The following NOC3L variants were observed in gnomAD, a reference collection of about 807,000 sequenced individuals.
The protein encoded by NOC3L is NOC3 like DNA replication regulator.
NOC3L carries 85 observed loss-of-function variants against 102.5 expected under a neutral mutation model. The observed-to-expected ratio is 0.83, with a 90% CI of 0.70 to 0.99. The LOEUF (loss-of-function observed/expected upper bound fraction) is 0.99, where lower values mean the gene tolerates loss of function less well. NOC3L is among the 50% of genes least tolerant of loss of function. The probability of loss-of-function intolerance (pLI) is 0.00; values close to 1 mark genes in which losing one functional copy is unlikely to be tolerated. For missense variants in NOC3L, 878 were observed against 914.9 expected, an observed-to-expected ratio of 0.96 and a Z score of 0.52; for synonymous variants, 303 against 309.4, an observed-to-expected ratio of 0.98 and a Z score of 0.22.
chr10:94,337,771 T>C lies in NOC3L; in HGVS notation c.2189+6A>G, dbSNP rs2054238108. The stretch of plus-strand genomic sequence containing the variant: ...AGTTTTAGAATAAGGCAATGCTAAA[T>C]ATTACCTTCGACTCAACTCTGGTTT... On this transcript the variant is annotated splice_donor_region_variant and intron_variant, in intron 19 of 20. Coordinates refer to ENST00000371361, the MANE Select transcript of NOC3L (RefSeq NM_022451.11). 2.5e-6 allele frequency: 4 copies of C among 1,593,584 alleles called. No individual in the cohort carries two copies. The highest frequency in any genetic ancestry group is 3.4e-6 in the Non-Finnish European group (4 of 1,161,936).
the NOC3L span, chr10:94,325,226 A>G: frequency 1.3e-6 from 1 of 745,562 alleles, no homozygotes; most frequent in Non-Finnish European, 2.4e-6. Flanking sequence ...GAAGGCAGGT[A>G]GGAATGGGAC....
the NOC3L span, among the ~76,000 whole-genome samples, chr10:94,325,874 C>CTCA: frequency 5.9e-5 from 9 of 152,100 alleles, no homozygotes; most frequent in African/African-American, 2.2e-4. Context: ...CTTCAACAAC[C>CTCA]TCATCTCCTT....
chr10:94,359,195 C>T lies in NOC3L; in HGVS notation c.218-980G>A, dbSNP rs189378572. Among the ~76,000 whole-genome samples, 282 of 152,178 alleles carry T rather than the reference C, an allele frequency of 1.9e-3. 1 individual carries two copies. The highest frequency in any genetic ancestry group is 3.5e-3 in the Admixed American group (53 of 15,292). ...ATCTTAGCACTTTGGGAGGCCGAGA[C>T]GGGTGGATTGCTTGAGGCAAGGAGT... On this transcript the variant is annotated intron_variant, in intron 2 of 20. Transcript: ENST00000371361.
the NOC3L span, chr10:94,328,145 G>A: frequency 1.5e-5 from 5 of 331,734 alleles, no homozygotes; most frequent in Admixed American, 1.9e-4. Context: ...ATTTACTGAT[G>A]AATGAAGCCC....
At chr10:94,321,355 G>A in the NOC3L span, among the ~76,000 whole-genome samples, 5 of 152,186 alleles carry the variant, frequency 3.3e-5, no homozygotes, top group Non-Finnish European at 7.3e-5. Flanking sequence ...ACAGCTAGGC[G>A]GGGCACAGTG....
At chr10:94,317,094 T>C in the NOC3L span, among the ~76,000 whole-genome samples, 3 of 152,004 alleles carry the variant, frequency 2.0e-5, no homozygotes, top group African/African-American at 7.2e-5. Context: ...CTACTAAAAA[T>C]ACAAAAATTA....
chr10:94,362,711 A>G, intron 1 of NOC3L, 119 bp downstream of exon 1: 2 of 1,052,190 alleles, frequency 1.9e-6, no homozygotes, highest in Non-Finnish European at 3.0e-6. Context: ...GAAAGCCCCC[A>G]GTCTAAACCA....
chr10:94,345,130 G>A (rs1326010883), intron 11 of NOC3L, among the ~76,000 whole-genome samples, 197 bp from the exon 12 acceptor site: 4 of 152,046 alleles, frequency 2.6e-5, no homozygotes, highest in Non-Finnish European at 5.9e-5. Context: ...CTGGGAAGAA[G>A]GTAGAAGAAT....
At chr10:94,320,919 C>T in the NOC3L span, among the ~76,000 whole-genome samples, 5 of 151,876 alleles carry the variant, frequency 3.3e-5, no homozygotes, top group African/African-American at 9.7e-5. Flanking sequence ...TATTTTGTGG[C>T]GAATAAGGTG....
Position 94,334,190 on chromosome 10 carries a change from G to A in NOC3L, c.2390C>T (p.Thr797Ile). The A allele has an allele frequency of 1.3e-6, 2 of 1,486,698 alleles. No homozygotes were observed. Among genetic ancestry groups the A allele is most frequent in the Non-Finnish European group, 1.9e-6 (2 of 1,065,014 alleles). 92.1% of individuals were successfully genotyped at this position (1,486,698 alleles called of 1,614,324 possible). A position where few individuals can be genotyped will look rare whatever the true frequency, so the allele number is the denominator to read the frequency against. The part of the protein sequence containing the change: ...SPLDFTKYLK[T>I]SLH ...TTCATTCCTCTACTAGTGTAGTGAT[G>A]TTTTCAAATATTTCGTGAAATCCAG... The change falls in exon 21 of 21, where the codon ACA (threonine) becomes ATA (isoleucine). Residue 797 changes from threonine to isoleucine, a missense_variant. Thr to Ile is a moderately conservative substitution (Grantham distance 89). Transcript: ENST00000371361.
At chr10:94,325,758 G>A in the NOC3L span, 9 of 152,252 alleles carry the variant, frequency 5.9e-5, no homozygotes, top group East Asian at 1.7e-3. Context: ...ACTGTCTTCA[G>A]TATTAATAGC....
rs1162065225 is a variant in NOC3L at position 94,361,707 on chromosome 10, T to C, written c.175A>G (p.Lys59Glu). 3 of 1,614,192 alleles carry C rather than the reference T, an allele frequency of 1.9e-6. No individual in the cohort carries two copies. The highest frequency in any genetic ancestry group is 1.7e-6 in the Non-Finnish European group (2 of 1,180,024). ...GGGTTCTCCAATGGAATGGGTTTCT[T>C]AGACACAGCATCTTTCACAGCTTGC... is the stretch of plus-strand genomic sequence containing the variant. ...LRQAVKDAVS[K>E]KPIPLENPKE... The change falls in exon 2 of 21, where the codon AAG becomes GAG. Residue 59 changes from lysine (K) to glutamate (E), a missense_variant. Coordinates refer to ENST00000371361, the MANE Select transcript of NOC3L (RefSeq NM_022451.11).
At chr10:94,319,043 A>ATCTT in the NOC3L span, among the ~76,000 whole-genome samples, 1 of 152,150 alleles carries the variant, frequency 6.6e-6, no homozygotes, top group East Asian at 1.9e-4. Flanking sequence ...GCAAGACTTC[A>ATCTT]TCTTTAAAAA....
chr10:94,326,779 AC>A, the NOC3L span, among the ~76,000 whole-genome samples: 1 of 152,168 alleles, frequency 6.6e-6, no homozygotes, highest in African/African-American at 2.4e-5. Flanking sequence ...ATTTTTTCTG[AC>A]CAATGGATTC....
At chr10:94,330,264 G>A (rs11187874), downstream of NOC3L, 1 of 152,386 alleles carries the variant, frequency 6.6e-6, no homozygotes, top group South Asian at 2.1e-4. Flanking sequence ...TAGCAAGTGA[G>A]AGAATCCAGC....
intron 19 of NOC3L, among the ~76,000 whole-genome samples, chr10:94,335,564 G>C (rs868130102): frequency 2.6e-4 from 40 of 152,258 alleles, no homozygotes; most frequent in African/African-American, 9.1e-4. Context: ...CAGAAGGAAA[G>C]GGCTCATGGA....
chr10:94,329,809 A>AAACAC (rs2054137975), downstream of NOC3L: 1 of 147,552 alleles, frequency 6.8e-6, no homozygotes, highest in African/African-American at 2.5e-5. Flanking sequence ...AAAAAAAAAA[A>AAACAC]AACACCATAC....
chr10:94,324,646 GTGAAA>G, the NOC3L span: 1 of 1,244,044 alleles, frequency 8.0e-7, no homozygotes, highest in African/African-American at 1.5e-5. Context: ...CTGGAAGCTG[GTGAAA>G]TTTAGGAGAA....
chr10:94,324,813 C>T, the NOC3L span: 25 of 1,378,230 alleles, frequency 1.8e-5, no homozygotes, highest in South Asian at 1.5e-4. Context: ...AAGAGGAAAG[C>T]GCTCTTCTGA....
Sources: allele counts gnomAD v4.1 joint callset (sites outside exome capture counted in the v4.1 genomes callset), GRCh38; gene constraint gnomAD v4.1.1; transcripts MANE v1.5; gene names NCBI Gene and HGNC (gene_info 2026-07-23, HGNC 2026-07-21).